CELF4: variants seen among roughly 807,000 people sequenced by gnomAD.
CELF4 encodes the protein CUG-BP- and ETR-3-like factor 4.
CELF4 carries 18 observed loss-of-function variants against 59.9 expected under a neutral mutation model. That is an observed-to-expected ratio of 0.30 (90% CI 0.21 to 0.45). CELF4 has a LOEUF of 0.45. CELF4 is among the 20% of genes least tolerant of loss of function. The pLI, the probability that CELF4 is intolerant of heterozygous loss-of-function variation, is 1.00. For synonymous variants in CELF4, 261 were observed against 267.1 expected, an observed-to-expected ratio of 0.98 and a Z score of 0.22; for missense variants, 456 against 689.0, an observed-to-expected ratio of 0.66 and a Z score of 3.79.
intron 2 of CELF4, among the ~76,000 whole-genome samples, chr18:37,417,285 G>T (rs966742849): frequency 2.0e-5 from 3 of 152,154 alleles, no homozygotes; most frequent in Non-Finnish European, 4.4e-5. Flanking sequence ...GCAATGAGCA[G>T]TCACTGGGGA....
chr18:37,499,378 CTGGGG>C, intron 1 of CELF4, among the ~76,000 whole-genome samples: 1 of 152,200 alleles, frequency 6.6e-6, no homozygotes, highest in Middle Eastern at 3.4e-3. Flanking sequence ...GGAATGTGGG[CTGGGG>C]AGGGCTGGAG....
intron 12 of CELF4, among the ~76,000 whole-genome samples, chr18:37,247,677 G>A (rs1361227155): frequency 1.3e-5 from 2 of 151,640 alleles, no homozygotes; most frequent in East Asian, 1.9e-4. Context: ...ACACACACAC[G>A]GTTGTTTATG....
chr18:37,266,209 G>A, intron 9 of CELF4: 2 of 486,178 alleles, frequency 4.1e-6, no homozygotes, highest in Non-Finnish European at 7.5e-6. Flanking sequence ...CAGACCTGGT[G>A]CTCCTGGGCA....
chr18:37,400,400 A>G (rs1409421010), intron 2 of CELF4, among the ~76,000 whole-genome samples: 1 of 152,252 alleles, frequency 6.6e-6, no homozygotes, highest in African/African-American at 2.4e-5. Flanking sequence ...ACACACGTGT[A>G]TATAGCTTCT....
intron 3 of CELF4, among the ~76,000 whole-genome samples, chr18:37,311,283 T>C (rs1015713128): frequency 6.6e-6 from 1 of 152,172 alleles, no homozygotes; most frequent in African/African-American, 2.4e-5. Flanking sequence ...TACAGACGTA[T>C]TTATAATGTG....
chr18:37,466,786 T>C (rs1388815007), intron 2 of CELF4, among the ~76,000 whole-genome samples: 1 of 152,152 alleles, frequency 6.6e-6, no homozygotes, highest in Non-Finnish European at 1.5e-5. Flanking sequence ...GAGGGCATCT[T>C]ATCCAGCCTT....
At chr18:37,302,007 G>A (rs1263640661) in intron 3 of CELF4, among the ~76,000 whole-genome samples, 3 of 152,148 alleles carry the variant, frequency 2.0e-5, no homozygotes, top group African/African-American at 4.8e-5. Context: ...GGGGAACATC[G>A]AAAAACTCAG....
At chr18:37,516,645 G>C (rs1443872071) in intron 1 of CELF4, among the ~76,000 whole-genome samples, 1 of 152,220 alleles carries the variant, frequency 6.6e-6, no homozygotes, top group Admixed American at 6.5e-5. Context: ...CTGAGATGTG[G>C]AGACCATGAA....
At chr18:37,545,536 A>G (rs1403442499) in intron 1 of CELF4, among the ~76,000 whole-genome samples, 1 of 152,208 alleles carries the variant, frequency 6.6e-6, no homozygotes, top group Non-Finnish European at 1.5e-5. Flanking sequence ...GGACAGGCCC[A>G]GGAGAGCAGA....
intron 2 of CELF4, among the ~76,000 whole-genome samples, chr18:37,395,695 C>G (rs2099236000): frequency 6.6e-6 from 1 of 152,218 alleles, no homozygotes. Flanking sequence ...CGCTGAAGTC[C>G]AATCCAATTG....
At chr18:37,303,964 T>C (rs570212151) in intron 3 of CELF4, among the ~76,000 whole-genome samples, 2 of 152,344 alleles carry the variant, frequency 1.3e-5, no homozygotes, top group East Asian at 3.9e-4. Flanking sequence ...CCCAGCCCCA[T>C]GGTAAGTGCC....
intron 2 of CELF4, among the ~76,000 whole-genome samples, chr18:37,369,513 C>G (rs923116186): frequency 6.6e-6 from 1 of 152,146 alleles, no homozygotes; most frequent in Non-Finnish European, 1.5e-5. Flanking sequence ...ACCCTCTCCT[C>G]GTATACTTAA....
chr18:37,467,308 G>A (rs996127509), intron 2 of CELF4, among the ~76,000 whole-genome samples: 1 of 152,108 alleles, frequency 6.6e-6, no homozygotes, highest in Non-Finnish European at 1.5e-5. Context: ...CTCTCACCTG[G>A]GGAGAACAGA....
At chr18:37,380,010 C>A (rs770190265) in intron 2 of CELF4, among the ~76,000 whole-genome samples, 1 of 152,154 alleles carries the variant, frequency 6.6e-6, no homozygotes, top group Non-Finnish European at 1.5e-5. Flanking sequence ...CAGGACCAGA[C>A]CTTCTGTCCA....
At chr18:37,300,731 T>C (rs2095972030) in intron 3 of CELF4, among the ~76,000 whole-genome samples, 1 of 152,196 alleles carries the variant, frequency 6.6e-6, no homozygotes, top group Non-Finnish European at 1.5e-5. Context: ...ATATATGCCA[T>C]GAATAAAATA....
At position 37,360,238 on chromosome 18, in the gene CELF4, C is replaced by T. The variant is rs549919813; in HGVS notation, c.370-38357G>A. Among the ~76,000 whole-genome samples the T allele has an allele frequency of 1.1e-4, 17 of 152,280 alleles. No individual in the cohort carries two copies. The East Asian group carries it at 3.3e-3, about 30-fold the overall frequency. Reference sequence around the variant, plus strand: ...CCTCTTTGCAATCTCTGGCCACCACCACCATGGACACTAAACATCTGATCC... The same window carrying T: ...CCTCTTTGCAATCTCTGGCCACCACTACCATGGACACTAAACATCTGATCC... On this transcript the variant is annotated intron_variant, in intron 2 of 12. Transcript: ENST00000420428.
Position 37,275,430 on chromosome 18 carries a change from G to T in CELF4, c.449-187C>A, listed in dbSNP as rs28701999. On this transcript the variant is annotated intron_variant, in intron 3 of 12. Transcript: ENST00000420428. Reference sequence around the variant, plus strand: ...GGGGCTTAGTCGGAGCGGGAGGGGCGAGGGAGAGAAGTAGGTGGGGTAGGA... The same window carrying T: ...GGGGCTTAGTCGGAGCGGGAGGGGCTAGGGAGAGAAGTAGGTGGGGTAGGA... Among the ~76,000 whole-genome samples, 9,373 of 151,108 alleles carry T rather than the reference G, an allele frequency of 0.062. 1,011 individuals carry two copies. The highest frequency in any genetic ancestry group is 0.22 in the African/African-American group (8,793 of 40,762).
At chr18:37,431,656 A>G (rs1332154692) in intron 2 of CELF4, among the ~76,000 whole-genome samples, 2 of 152,242 alleles carry the variant, frequency 1.3e-5, no homozygotes, top group African/African-American at 4.8e-5. Flanking sequence ...GGCGTGAGCC[A>G]CTGCACCTGG....
chr18:37,401,370 C>T (rs2099324862), intron 2 of CELF4, among the ~76,000 whole-genome samples: 2 of 152,192 alleles, frequency 1.3e-5, no homozygotes, highest in African/African-American at 4.8e-5. Flanking sequence ...CTGTCCTGGG[C>T]TCCTGATGAG....
Sources: allele counts gnomAD v4.1 joint callset (sites outside exome capture counted in the v4.1 genomes callset), GRCh38; gene constraint gnomAD v4.1.1; transcripts MANE v1.5; gene names NCBI Gene and HGNC (gene_info 2026-07-23, HGNC 2026-07-21).